Variants in ASB4 observed in about 807,000 individuals in gnomAD.
ASB4 encodes the protein ankyrin repeat and SOCS box protein 4.
Under a neutral mutation model 38.6 loss-of-function variants are expected in ASB4, and 35 were observed. That is an observed-to-expected ratio of 0.91 (90% CI 0.69 to 1.20). The LOEUF is 1.20. Among genes scored for constraint, ASB4 ranks in the 50% most tolerant of loss-of-function variants. The pLI is 0.00. For synonymous variants in ASB4, 195 were observed against 201.3 expected (o/e 0.97, Z 0.26); for missense variants, 557 against 527.2 (o/e 1.06, Z -0.55).
the ASB4 span, among the ~76,000 whole-genome samples, chr7:95,473,438 G>C: frequency 6.6e-6 from 1 of 152,164 alleles, no homozygotes; most frequent in African/African-American, 2.4e-5. Flanking sequence ...GAGAGCCACA[G>C]GTTTATCCAG....
At chr7:95,484,594 A>G (rs1425341933), upstream of ASB4, among the ~76,000 whole-genome samples, 1 of 152,194 alleles carries the variant, frequency 6.6e-6, no homozygotes. Flanking sequence ...GATTTGCATC[A>G]TTTACATGCT....
chr7:95,531,994 T>G (rs1207480360), intron 3 of ASB4, among the ~76,000 whole-genome samples: 1 of 152,230 alleles, frequency 6.6e-6, no homozygotes, highest in African/African-American at 2.4e-5. Flanking sequence ...GGTAGATGGC[T>G]GGTATTACAA....
intron 1 of ASB4, among the ~76,000 whole-genome samples, chr7:95,490,283 T>C (rs113746006): frequency 9.5e-4 from 144 of 152,378 alleles, no homozygotes; most frequent in Middle Eastern, 3.4e-3. Context: ...AATTTTCCTC[T>C]TTGCCAGAAA....
At chr7:95,522,174 ATAAC>A (rs1375685448) in intron 2 of ASB4, among the ~76,000 whole-genome samples, 1 of 152,160 alleles carries the variant, frequency 6.6e-6, no homozygotes. Context: ...GAGTTTTTAA[ATAAC>A]TATAGCATTT....
At chr7:95,478,569 C>G (rs758290033) in exon 1 of ASB4, 2 of 152,108 alleles carry the variant, frequency 1.3e-5, no homozygotes, top group African/African-American at 2.4e-5. Context: ...TAGCATCGTG[C>G]CAGCGACCAA....
intron 3 of ASB4, among the ~76,000 whole-genome samples, chr7:95,532,161 G>A (rs561944880): frequency 1.6e-4 from 25 of 152,248 alleles, no homozygotes; most frequent in South Asian, 1.0e-3. Flanking sequence ...TCATCTTTAC[G>A]ACAAGTAAGT....
Position 95,515,261 on chromosome 7 carries a change from T to TTC in ASB4, c.488-12550_488-12549dup, listed in dbSNP as rs1224554812. ...TTTCTTTCTTTCTTTCCTTCTTTCT[T>TTC]TCTTTCTCTTTCTTTCTTTCTTTCT... On this transcript the variant is annotated intron_variant, in intron 2 of 4. Transcript: ENST00000325885. Among the ~76,000 whole-genome samples, 590 of 133,518 alleles carry TTC rather than the reference T, an allele frequency of 4.4e-3. 6 individuals carry two copies. The highest frequency in any genetic ancestry group is 5.7e-3 in the Non-Finnish European group (358 of 62,342). The allele number at this position is 133,518 out of a possible 152,430, so 87.6% of individuals were successfully genotyped here. A position where few individuals can be genotyped will look rare whatever the true frequency, so the allele number is the denominator to read the frequency against.
At chr7:95,547,158 G>A in the ASB4 span, among the ~76,000 whole-genome samples, 2 of 152,178 alleles carry the variant, frequency 1.3e-5, no homozygotes, top group Non-Finnish European at 2.9e-5. Context: ...TTTACCAATA[G>A]TGAAATACAC....
At chr7:95,534,947 A>G (rs1244679526) in intron 3 of ASB4, among the ~76,000 whole-genome samples, 1 of 152,162 alleles carries the variant, frequency 6.6e-6, no homozygotes, top group African/African-American at 2.4e-5. Context: ...GCTGACTTCC[A>G]GATGTGCTGC....
chr7:95,515,882 G>T (rs892001491), intron 2 of ASB4, among the ~76,000 whole-genome samples: 2 of 152,194 alleles, frequency 1.3e-5, no homozygotes, highest in Non-Finnish European at 2.9e-5. Context: ...GCTCACTGTT[G>T]CTTGACAAAT....
chr7:95,490,260 T>C (rs1328702939), intron 1 of ASB4, among the ~76,000 whole-genome samples: 1 of 152,224 alleles, frequency 6.6e-6, no homozygotes, highest in Non-Finnish European at 1.5e-5. Context: ...AATGAATAAT[T>C]TCTTTATCAC....
At chr7:95,527,165 C>T (rs1790748174) in intron 2 of ASB4, among the ~76,000 whole-genome samples, 1 of 151,992 alleles carries the variant, frequency 6.6e-6, no homozygotes, top group African/African-American at 2.4e-5. Context: ...AGTTTGGTGA[C>T]TAAAGTCGTG....
At position 95,486,054 on chromosome 7, in the gene ASB4, A is replaced by G. The variant is rs560803372; in HGVS notation, c.83A>G (p.Asn28Ser). 2.8e-5 allele frequency: 45 copies of G among 1,614,090 alleles called. No individual in the cohort carries two copies. Among genetic ancestry groups the G allele is most frequent in the Admixed American group, 1.7e-4 (10 of 60,008 alleles). The change falls in exon 1 of 5, where the codon AAT becomes AGT. Residue 28 changes from asparagine to serine, a missense_variant. Transcript: ENST00000325885. ...KRNFLEALKS[N>S]DFGKLKAILI... ...AATTTCCTTGAGGCGCTAAAGTCCAATGACTTCGGAAAATTGAAGGCTATT... is the reference window on the plus strand; with the variant it reads ...AATTTCCTTGAGGCGCTAAAGTCCAGTGACTTCGGAAAATTGAAGGCTATT...
rs544430450 is a variant in ASB4 at position 95,524,137 on chromosome 7, G to A, written c.488-3676G>A. On this transcript the variant is annotated intron_variant, in intron 2 of 4. Coordinates refer to ENST00000325885, the MANE Select transcript of ASB4 (RefSeq NM_016116.3). ...CCCAGCAATTCCACTCATAGATGTAGAGCCCAGAGAAATCCCTGCACGTGA... is the reference window on the plus strand; with the variant it reads ...CCCAGCAATTCCACTCATAGATGTAAAGCCCAGAGAAATCCCTGCACGTGA... Among the ~76,000 whole-genome samples the A allele has an allele frequency of 1.1e-3, 165 of 152,314 alleles. 1 individual carries two copies. Among genetic ancestry groups the A allele is most frequent in the African/African-American group, 3.9e-3 (161 of 41,590 alleles).
upstream of ASB4, among the ~76,000 whole-genome samples, chr7:95,476,334 G>A (rs186552973): frequency 6.6e-6 from 1 of 152,344 alleles, no homozygotes; most frequent in Admixed American, 6.5e-5. Flanking sequence ...TGTGAGGTAG[G>A]TGCGTATTGC....
the ASB4 span, among the ~76,000 whole-genome samples, chr7:95,546,584 A>G: frequency 6.6e-6 from 1 of 152,208 alleles, no homozygotes; most frequent in Non-Finnish European, 1.5e-5. Flanking sequence ...ACCAACCAAA[A>G]TATTCTCTCC....
the ASB4 span, among the ~76,000 whole-genome samples, chr7:95,546,132 G>T: frequency 6.6e-6 from 1 of 152,136 alleles, no homozygotes; most frequent in Admixed American, 6.5e-5. Context: ...ACAATGTCAG[G>T]CACCTGGTTA....
In ASB4 at chr7:95,491,242, ATC is replaced by A. The variant is rs3837137; in HGVS notation, c.188-4512_188-4511del. On this transcript the variant is annotated intron_variant, in intron 1 of 4. Coordinates refer to ENST00000325885, the MANE Select transcript of ASB4 (RefSeq NM_016116.3). Reference sequence around the variant, plus strand: ...GTGGGTTTTGTACACAGGGGAAATAATCTCTATTTTTCTTTTCTTCTTAGTGG... The same window carrying A: ...GTGGGTTTTGTACACAGGGGAAATAATCTATTTTTCTTTTCTTCTTAGTGG... Among the ~76,000 whole-genome samples the A allele has an allele frequency of 1.4e-4, 21 of 152,260 alleles. No individual in the cohort carries two copies. The East Asian group carries it at 3.9e-3, about 28-fold the overall frequency.
chr7:95,523,268 A>G (rs1160270534), intron 2 of ASB4, among the ~76,000 whole-genome samples: 1 of 152,234 alleles, frequency 6.6e-6, no homozygotes, highest in Non-Finnish European at 1.5e-5. Context: ...TGACAATCGA[A>G]AGTCAACATC....
Sources: allele counts gnomAD v4.1 joint callset (sites outside exome capture counted in the v4.1 genomes callset), GRCh38; gene constraint gnomAD v4.1.1; transcripts MANE v1.5; gene names NCBI Gene and HGNC (gene_info 2026-07-23, HGNC 2026-07-21).